The following SOX5 variants were observed in gnomAD, a reference collection of about 807,000 sequenced individuals.
SOX5 encodes the protein SRY-box transcription factor 5, also known as transcription factor SOX-5.
In SOX5, 9 loss-of-function variants were observed where a neutral mutation model predicts 92.0. That is an observed-to-expected ratio of 0.10 (90% CI 0.06 to 0.17). The LOEUF is 0.17. SOX5 is among the 10% of genes least tolerant of loss of function. The pLI is 1.00. For missense variants in SOX5, 642 were observed against 944.5 expected, an observed-to-expected ratio of 0.68 and a Z score of 4.20; for synonymous variants, 344 against 336.3, an observed-to-expected ratio of 1.02 and a Z score of -0.25.
At chr12:23,581,005 T>C (rs1949964814) in intron 9 of SOX5, among the ~76,000 whole-genome samples, 1 of 152,102 alleles carries the variant, frequency 6.6e-6, no homozygotes, top group Admixed American at 6.6e-5. Context: ...TAGTTGGTTT[T>C]CAAATAACAA....
At chr12:23,895,189 C>T (rs187546975) in intron 2 of SOX5, among the ~76,000 whole-genome samples, 81 of 120,792 alleles carry the variant, frequency 6.7e-4, no homozygotes, top group African/African-American at 2.6e-3. Context: ...TCCAGAGTTG[C>T]ATATTCCAGA....
chr12:23,906,547 G>C (rs958077099), intron 1 of SOX5, among the ~76,000 whole-genome samples: 3 of 152,208 alleles, frequency 2.0e-5, no homozygotes, highest in Non-Finnish European at 4.4e-5. Flanking sequence ...GAGTCAGCGT[G>C]AAAGTGCTCA....
chr12:24,555,509 A>G (rs187775044), intron 1 of SOX5, among the ~76,000 whole-genome samples: 32 of 152,350 alleles, frequency 2.1e-4, no homozygotes, highest in African/African-American at 6.3e-4. Context: ...AAATTCATCT[A>G]TAGCTTTCAG....
chr12:24,062,850 C>T (rs781739518), intron 4 of SOX5, among the ~76,000 whole-genome samples: 11 of 152,136 alleles, frequency 7.2e-5, no homozygotes, highest in Admixed American at 5.9e-4. Context: ...TCATATTCTT[C>T]GGCTACAGAC....
At chr12:23,596,608 C>T (rs1952499973) in intron 9 of SOX5, among the ~76,000 whole-genome samples, 1 of 151,982 alleles carries the variant, frequency 6.6e-6, no homozygotes, top group South Asian at 2.1e-4. Flanking sequence ...ATTGACAGCT[C>T]CAAAGGAGGC....
intron 4 of SOX5, among the ~76,000 whole-genome samples, chr12:24,122,194 G>C (rs557311205): frequency 6.6e-6 from 1 of 152,168 alleles, no homozygotes; most frequent in South Asian, 2.1e-4. Flanking sequence ...ATGATGTTAC[G>C]ATCCCGAAGC....
intron 1 of SOX5, among the ~76,000 whole-genome samples, chr12:24,471,771 G>A (rs1752672559): frequency 1.3e-5 from 2 of 151,984 alleles, no homozygotes; most frequent in South Asian, 2.1e-4. Flanking sequence ...AATGAAAATG[G>A]TGTAGCTTTC....
At chr12:24,562,346 G>T (rs1186769245) in exon 1 of SOX5, 1 of 152,380 alleles carries the variant, frequency 6.6e-6, no homozygotes, top group Admixed American at 6.5e-5. Context: ...ACCCGGTCTC[G>T]TTAATGCCTC....
At chr12:24,437,526 GAATATCCAGAATCTACAAAGGGCT>G (rs879884220) in intron 1 of SOX5, among the ~76,000 whole-genome samples, 31 of 152,074 alleles carry the variant, frequency 2.0e-4, no homozygotes, top group Admixed American at 1.8e-3. Flanking sequence ...TCATCAGAGT[GAATATCCAGAATCTACAAAGGGCT>G]AATATCCAGA....
chr12:23,536,406 A>G (rs369448399), intron 14 of SOX5, 47 bp downstream of exon 14: 21 of 1,385,156 alleles, frequency 1.5e-5, no homozygotes, highest in South Asian at 1.5e-4. Context: ...CCCATTAAGT[A>G]TAACAGGAAG....
chr12:24,395,534 T>C (rs1002221348), intron 1 of SOX5, among the ~76,000 whole-genome samples: 21 of 152,342 alleles, frequency 1.4e-4, no homozygotes, highest in African/African-American at 5.1e-4. Context: ...TGAATTCTAT[T>C]AACTGGCAAT....
intron 2 of SOX5, among the ~76,000 whole-genome samples, chr12:24,306,035 A>T (rs1420850613): frequency 6.6e-6 from 1 of 152,228 alleles, no homozygotes. Context: ...GGATCAGAAA[A>T]TATAGATCTG....
intron 4 of SOX5, among the ~76,000 whole-genome samples, chr12:23,744,331 G>A (rs752529919): frequency 1.8e-4 from 28 of 152,014 alleles, no homozygotes; most frequent in Middle Eastern, 3.2e-3. Flanking sequence ...AATAAGGTAC[G>A]TGCCAACCCT....
At chr12:23,700,188 T>A (rs1226141339) in intron 6 of SOX5, among the ~76,000 whole-genome samples, 1 of 152,134 alleles carries the variant, frequency 6.6e-6, no homozygotes, top group Non-Finnish European at 1.5e-5. Flanking sequence ...GTGGAATTTA[T>A]ATCTCTAACT....
At chr12:24,363,298 TTCGC>T (rs1955804019) in intron 2 of SOX5, among the ~76,000 whole-genome samples, 1 of 152,152 alleles carries the variant, frequency 6.6e-6, no homozygotes, top group South Asian at 2.1e-4. Context: ...ATTTAATAGT[TTCGC>T]CTTCCCCTCT....
chr12:24,370,168 T>C (rs146368177), intron 1 of SOX5, among the ~76,000 whole-genome samples: 236 of 152,260 alleles, frequency 1.5e-3, no homozygotes, highest in African/African-American at 5.4e-3. Context: ...GAAAATAAAC[T>C]TCATTAAAAG....
chr12:24,085,593 T>C (rs1187792349), intron 4 of SOX5, among the ~76,000 whole-genome samples: 2 of 152,094 alleles, frequency 1.3e-5, no homozygotes, highest in Non-Finnish European at 2.9e-5. Context: ...CGTGTGCTAA[T>C]AGTTAAGGGC....
chr12:23,837,261 A>G (rs901939015), intron 3 of SOX5, among the ~76,000 whole-genome samples: 6 of 112,654 alleles, frequency 5.3e-5, no homozygotes, highest in Middle Eastern at 8.8e-3. Flanking sequence ...TTATATTTAT[A>G]TAATATATAA....
At chr12:24,505,709 T>C (rs1298918166) in intron 1 of SOX5, among the ~76,000 whole-genome samples, 1 of 152,230 alleles carries the variant, frequency 6.6e-6, no homozygotes, top group African/African-American at 2.4e-5. Flanking sequence ...ACATAACTTC[T>C]GAAACCCATA....
Sources: allele counts gnomAD v4.1 joint callset (sites outside exome capture counted in the v4.1 genomes callset), GRCh38; gene constraint gnomAD v4.1.1; transcripts MANE v1.5; gene names NCBI Gene and HGNC (gene_info 2026-07-23, HGNC 2026-07-21).